Variants in DPY30 observed in about 807,000 individuals in gnomAD.
DPY30 encodes the protein dpy-30 histone methyltransferase complex regulatory subunit.
In DPY30, 6 loss-of-function variants were observed where a neutral mutation model predicts 16.2. The ratio of observed to expected loss-of-function variants is 0.37; its 90% CI spans 0.20 to 0.73. The LOEUF (loss-of-function observed/expected upper bound fraction) is 0.73, where lower values mean the gene tolerates loss of function less well. DPY30 is among the 30% of genes least tolerant of loss of function. DPY30 has a pLI of 0.51. For synonymous variants in DPY30, 39 were observed against 38.8 expected, an observed-to-expected ratio of 1.00 and a Z score of -0.02; for missense variants, 73 against 113.1, an observed-to-expected ratio of 0.65 and a Z score of 1.61.
intron 3 of DPY30, among the ~76,000 whole-genome samples, chr2:32,033,008 A>G (rs1675598257): frequency 6.6e-6 from 1 of 150,740 alleles, no homozygotes; most frequent in Non-Finnish European, 1.5e-5. Context: ...AAAAATAATA[A>G]TAACTTTTTT....
chr2:32,036,440 G>C (rs1675740973), intron 3 of DPY30, among the ~76,000 whole-genome samples: 1 of 152,074 alleles, frequency 6.6e-6, no homozygotes, highest in Admixed American at 6.6e-5. Flanking sequence ...GGGAGGCCAA[G>C]GTTGGCGGAT....
chr2:32,039,217 C>G, intron 3 of DPY30, 62 bp downstream of exon 3: 1 of 1,336,224 alleles, frequency 7.5e-7, no homozygotes, highest in South Asian at 1.3e-5. Context: ...AAAAGCAGAT[C>G]CCAAGTTTTC....
At chr2:32,015,849 TAAAA>T (rs751298889) in intron 5 of DPY30, among the ~76,000 whole-genome samples, 4 of 119,728 alleles carry the variant, frequency 3.3e-5, no homozygotes, top group East Asian at 4.6e-4. Context: ...AGACCCTGTC[TAAAA>T]AAAAAAAAAA....
At chr2:32,027,171 G>A (rs1187232843) in intron 4 of DPY30, among the ~76,000 whole-genome samples, 14 of 150,254 alleles carry the variant, frequency 9.3e-5, no homozygotes. Flanking sequence ...AGGTATTCGG[G>A]AGGCTGAAGC....
chr2:32,036,985 G>A (rs1178112211), intron 3 of DPY30, among the ~76,000 whole-genome samples: 1 of 152,214 alleles, frequency 6.6e-6, no homozygotes, highest in Non-Finnish European at 1.5e-5. Context: ...GACGAGCAAA[G>A]ATAGGAACGA....
intron 4 of DPY30, among the ~76,000 whole-genome samples, chr2:32,028,988 T>C (rs1226590965): frequency 6.6e-6 from 1 of 151,554 alleles, no homozygotes; most frequent in Non-Finnish European, 1.5e-5. Flanking sequence ...ATAATAATAA[T>C]AGGCCGGGCG....
chr2:32,036,729 A>T (rs1183271983), intron 3 of DPY30, among the ~76,000 whole-genome samples: 1 of 149,744 alleles, frequency 6.7e-6, no homozygotes, highest in Non-Finnish European at 1.5e-5. Context: ...TTAGCCGGGC[A>T]TGGTTGGCGG....
chr2:32,015,608 G>A (rs1675049322), intron 5 of DPY30, among the ~76,000 whole-genome samples: 1 of 152,028 alleles, frequency 6.6e-6, no homozygotes, highest in Non-Finnish European at 1.5e-5. Context: ...AAAATTTGGG[G>A]AGGCCAAGGC....
intron 4 of DPY30, among the ~76,000 whole-genome samples, chr2:32,026,241 T>C (rs760985820): frequency 6.6e-6 from 1 of 151,906 alleles, no homozygotes. Flanking sequence ...AGACCCCAAC[T>C]CTTCAAAAAA....
intron 3 of DPY30, among the ~76,000 whole-genome samples, chr2:32,037,847 C>A (rs1405025131): frequency 6.6e-6 from 1 of 152,134 alleles, no homozygotes; most frequent in South Asian, 2.1e-4. Flanking sequence ...GCCACCACGC[C>A]CAGCCTGTAT....
At chr2:32,031,365 A>T (rs1214866462) in intron 3 of DPY30, among the ~76,000 whole-genome samples, 1 of 151,660 alleles carries the variant, frequency 6.6e-6, no homozygotes, top group Non-Finnish European at 1.5e-5. Context: ...GGTTGCAATG[A>T]GCCGAGATCA....
At position 32,034,821 on chromosome 2, in the gene DPY30, A is replaced by G. The variant is rs898888331; in HGVS notation, c.84+4458T>C. Among the ~76,000 whole-genome samples, 45 of 151,966 alleles carry G rather than the reference A, an allele frequency of 3.0e-4. 1 individual carries two copies. Among genetic ancestry groups the G allele is most frequent in the African/African-American group, 1.1e-3 (45 of 41,346 alleles). ...TGAGACCGTCCTGGCCAACATGGTA[A>G]AACCCCGTCTCTACTAAAAATACAA... On this transcript the variant is annotated intron_variant, in intron 3 of 4. Coordinates refer to ENST00000342166, the MANE Select transcript of DPY30 (RefSeq NM_001321209.2).
intron 3 of DPY30, among the ~76,000 whole-genome samples, chr2:32,031,690 C>T (rs1450644259): frequency 1.1e-4 from 17 of 151,904 alleles, no homozygotes; most frequent in Middle Eastern, 3.2e-3. Context: ...GTCAGGAGTT[C>T]GAGACCAGCC....
chr2:32,030,233 G>A (rs1427385235), intron 3 of DPY30, among the ~76,000 whole-genome samples: 1 of 151,938 alleles, frequency 6.6e-6, no homozygotes, highest in African/African-American at 2.4e-5. Flanking sequence ...TCATTTTTAT[G>A]GTTACCCTCT....
downstream of DPY30, chr2:32,023,688 G>C (rs1675233980): frequency 7.9e-7 from 1 of 1,273,448 alleles, no homozygotes; most frequent in African/African-American, 1.5e-5. Context: ...TGTGATACTT[G>C]TTAAGCCATT....
At chr2:32,027,270 C>CAAA (rs1182400819) in intron 4 of DPY30, among the ~76,000 whole-genome samples, 1 of 70,196 alleles carries the variant, frequency 1.4e-5, no homozygotes, top group Non-Finnish European at 2.9e-5. Context: ...GACTCTGTCT[C>CAAA]AAAAAAAAAA....
intron 5 of DPY30, chr2:32,013,249 TAAGTC>T (rs1195338071): frequency 4.6e-5 from 7 of 152,210 alleles, no homozygotes; most frequent in African/African-American, 1.7e-4. Flanking sequence ...GCAACAATCG[TAAGTC>T]TCATTCCAAA....
At chr2:32,025,192 G>A (rs995377120) in intron 4 of DPY30, among the ~76,000 whole-genome samples, 3 of 152,176 alleles carry the variant, frequency 2.0e-5, no homozygotes, top group Non-Finnish European at 4.4e-5. Flanking sequence ...GGGGCCAGGC[G>A]CAGTGGCTCA....
At chr2:32,015,096 CCT>C (rs1675039526) in intron 5 of DPY30, among the ~76,000 whole-genome samples, 1 of 151,456 alleles carries the variant, frequency 6.6e-6, no homozygotes, top group Non-Finnish European at 1.5e-5. Context: ...AAAAAAAAAA[CCT>C]CTATTTTTCC....
Sources: gnomAD v4.1 joint callset for allele counts (sites outside exome capture counted in the v4.1 genomes callset) on GRCh38, gnomAD v4.1.1 for gene constraint, MANE v1.5 for transcripts, NCBI Gene and HGNC (gene_info 2026-07-23, HGNC 2026-07-21) for gene names.